The following PTPRN2 variants were observed in gnomAD, a reference collection of about 807,000 sequenced individuals.
PTPRN2 encodes the protein receptor-type tyrosine-protein phosphatase N2.
In PTPRN2, 74 loss-of-function variants were observed where a neutral mutation model predicts 118.8. The ratio of observed to expected loss-of-function variants is 0.62; its 90% CI spans 0.52 to 0.76. PTPRN2 has a LOEUF of 0.76. Among genes scored for constraint, PTPRN2 ranks in the 30% least tolerant of loss-of-function variants. The pLI is 0.00. For synonymous variants in PTPRN2, 641 were observed against 608.0 expected (o/e 1.05, Z -0.80); for missense variants, 1,481 against 1,394.4 (o/e 1.06, Z -0.99).
intron 11 of PTPRN2, among the ~76,000 whole-genome samples, chr7:157,943,494 A>C (rs1585060200): frequency 1.3e-5 from 2 of 150,652 alleles, no homozygotes; most frequent in African/African-American, 4.9e-5. Context: ...TTCAGCCCCC[A>C]CCTCCGCCCC....
intron 3 of PTPRN2, among the ~76,000 whole-genome samples, chr7:158,263,607 G>A (rs1179772164): frequency 2.0e-5 from 3 of 152,236 alleles, no homozygotes; most frequent in Non-Finnish European, 4.4e-5. Flanking sequence ...GAGCCTCTGG[G>A]TGCTGGGTGA....
At chr7:157,812,960 AC>A (rs753876612) in intron 12 of PTPRN2, among the ~76,000 whole-genome samples, 87 of 152,204 alleles carry the variant, frequency 5.7e-4, no homozygotes, top group Non-Finnish European at 8.4e-4. Context: ...CCAAGTCCCT[AC>A]CCACATTCCA....
intron 3 of PTPRN2, among the ~76,000 whole-genome samples, chr7:158,316,104 G>A (rs186403374): frequency 7.2e-5 from 11 of 152,346 alleles, no homozygotes; most frequent in Admixed American, 2.6e-4. Flanking sequence ...TCAGCCAGCC[G>A]CCGGGGGGCA....
intron 14 of PTPRN2, among the ~76,000 whole-genome samples, chr7:157,631,976 A>C (rs1486504875): frequency 6.6e-6 from 1 of 152,228 alleles, no homozygotes; most frequent in Non-Finnish European, 1.5e-5. Context: ...GGACATGATC[A>C]CAGACCTTAC....
At chr7:157,769,588 TAGA>T (rs1383785982) in intron 12 of PTPRN2, among the ~76,000 whole-genome samples, 3 of 152,098 alleles carry the variant, frequency 2.0e-5, no homozygotes, top group South Asian at 4.1e-4. Flanking sequence ...AGGCCTTGGG[TAGA>T]AGATGTTGGG....
chr7:157,548,899 G>C, intron 22 of PTPRN2, 47 bp downstream of exon 22: 1 of 1,562,132 alleles, frequency 6.4e-7, no homozygotes, highest in Non-Finnish European at 8.8e-7. Flanking sequence ...CGGCCGCAGA[G>C]AGGCACCTTG....
At chr7:158,281,498 C>A (rs1286941737) in intron 3 of PTPRN2, among the ~76,000 whole-genome samples, 2 of 152,206 alleles carry the variant, frequency 1.3e-5, no homozygotes, top group African/African-American at 2.4e-5. Flanking sequence ...GTATAAGAGA[C>A]ATTGTCATAT....
chr7:158,171,294 CATATATATACACACATATATATATAT>C (rs1279704917), intron 5 of PTPRN2, among the ~76,000 whole-genome samples: 3 of 62,160 alleles, frequency 4.8e-5, no homozygotes, highest in African/African-American at 7.6e-5. Flanking sequence ...TATATACACA[CATATATATACACACATATATATATAT>C]ATATATATAT....
intron 3 of PTPRN2, among the ~76,000 whole-genome samples, chr7:158,308,132 T>A (rs1475996016): frequency 6.6e-5 from 10 of 152,272 alleles, no homozygotes; most frequent in African/African-American, 2.4e-4. Flanking sequence ...TAGGCAATGA[T>A]CCTCAATAAT....
At chr7:158,141,917 C>T (rs192390826) in intron 6 of PTPRN2, among the ~76,000 whole-genome samples, 109 of 152,352 alleles carry the variant, frequency 7.2e-4, no homozygotes, top group African/African-American at 2.5e-3. Flanking sequence ...CGGACACGGG[C>T]GTTCTGATCG....
intron 1 of PTPRN2, among the ~76,000 whole-genome samples, chr7:158,558,926 T>G (rs1218239096): frequency 1.3e-5 from 2 of 152,126 alleles, no homozygotes; most frequent in African/African-American, 4.8e-5. Context: ...GGGTTAATTA[T>G]GACTGTATGT....
intron 1 of PTPRN2, among the ~76,000 whole-genome samples, chr7:158,494,402 A>G (rs528037346): frequency 6.4e-4 from 97 of 152,242 alleles, no homozygotes; most frequent in Non-Finnish European, 9.7e-4. Context: ...CAGGATGCAC[A>G]CGCCTTCTGA....
At chr7:158,042,297 T>A (rs191223252) in intron 11 of PTPRN2, among the ~76,000 whole-genome samples, 103 of 152,282 alleles carry the variant, frequency 6.8e-4, no homozygotes, top group Middle Eastern at 3.4e-3. Flanking sequence ...CGTGCTTGAC[T>A]CTTCCCCAGC....
chr7:158,035,176 T>C (rs1808005594), intron 11 of PTPRN2, among the ~76,000 whole-genome samples: 1 of 152,222 alleles, frequency 6.6e-6, no homozygotes, highest in Admixed American at 6.5e-5. Flanking sequence ...CGCATCAGCA[T>C]GACAATATAT....
chr7:158,302,266 A>C (rs1192470755), intron 3 of PTPRN2, among the ~76,000 whole-genome samples: 1 of 152,092 alleles, frequency 6.6e-6, no homozygotes, highest in Admixed American at 6.6e-5. Context: ...CCCCATCACC[A>C]CCTGAGCCCA....
At chr7:158,412,745 G>A (rs1814254472) in intron 2 of PTPRN2, among the ~76,000 whole-genome samples, 1 of 123,494 alleles carries the variant, frequency 8.1e-6, no homozygotes. Context: ...CAGCACCAGG[G>A]CCCAGCTCAG....
At position 157,619,481 on chromosome 7, in the gene PTPRN2, TTAG is replaced by T. The variant is rs1326606376; in HGVS notation, c.2344+1878_2344+1880del. On this transcript the variant is annotated intron_variant, in intron 15 of 22. Transcript: ENST00000389418. The surrounding 1 kb of genome is among the most constrained non-coding windows in gnomAD (Gnocchi z 5.3). Reference sequence around the variant, plus strand: ...ACAGTGGCCAGGCCCCCAGAGCCTGTTAGTAGCCCCCGACACAGGGCCGGTGCT... The same window carrying T: ...ACAGTGGCCAGGCCCCCAGAGCCTGTTAGCCCCCGACACAGGGCCGGTGCT... Among the ~76,000 whole-genome samples the T allele has an allele frequency of 6.6e-6, 1 of 152,152 alleles. No homozygotes were observed. The highest frequency in any genetic ancestry group is 2.4e-5 in the African/African-American group (1 of 41,442).
At chr7:158,405,912 C>T (rs1260679467) in intron 2 of PTPRN2, among the ~76,000 whole-genome samples, 3 of 141,344 alleles carry the variant, frequency 2.1e-5, no homozygotes, top group African/African-American at 5.4e-5. Context: ...GTGGCTCATC[C>T]GTGAGACACG....
intron 6 of PTPRN2, 41 bp downstream of exon 6, chr7:158,166,890 G>C: frequency 7.0e-7 from 1 of 1,420,688 alleles, no homozygotes; most frequent in South Asian, 1.6e-5. Flanking sequence ...CTGGACAGAG[G>C]ACAGTCAGCA....
Sources: gnomAD v4.1 joint callset for allele counts (sites outside exome capture counted in the v4.1 genomes callset) on GRCh38, gnomAD v4.1.1 for gene constraint, Gnocchi (gnomAD v3.1) non-coding constraint, MANE v1.5 for transcripts, NCBI Gene and HGNC (gene_info 2026-07-23, HGNC 2026-07-21) for gene names.